The following ABCD3 variants were observed in gnomAD, a reference collection of about 807,000 sequenced individuals.
The protein encoded by ABCD3 is ATP binding cassette subfamily D member 3.
In ABCD3, 41 loss-of-function variants were observed where a neutral mutation model predicts 105.5. The observed-to-expected ratio is 0.39, with a 90% CI of 0.30 to 0.50. The LOEUF (loss-of-function observed/expected upper bound fraction) is 0.50. Among genes scored for constraint, ABCD3 ranks in the 20% least tolerant of loss-of-function variants. ABCD3 has a pLI of 0.84. For missense variants in ABCD3, 622 were observed against 806.3 expected, an observed-to-expected ratio of 0.77 and a Z score of 2.77; for synonymous variants, 258 against 269.0, an observed-to-expected ratio of 0.96 and a Z score of 0.40.
the ABCD3 span, among the ~76,000 whole-genome samples, chr1:94,404,414 T>G: frequency 2.6e-5 from 4 of 152,202 alleles, no homozygotes; most frequent in Non-Finnish European, 4.4e-5. Context: ...TTTCCTCTCT[T>G]CCATCTTTGG....
the ABCD3 span, among the ~76,000 whole-genome samples, chr1:94,391,255 A>G: frequency 2.6e-5 from 4 of 152,126 alleles, no homozygotes; most frequent in Non-Finnish European, 5.9e-5. Flanking sequence ...TCTTTTTATT[A>G]TATTAGGTTG....
At chr1:94,433,453 C>G (rs747988193) in intron 1 of ABCD3, among the ~76,000 whole-genome samples, 4 of 151,844 alleles carry the variant, frequency 2.6e-5, no homozygotes, top group African/African-American at 7.3e-5. Flanking sequence ...CACGCCCGGC[C>G]CGGTTAGGCA....
At chr1:94,483,875 A>AT (rs1649151836) in intron 10 of ABCD3, among the ~76,000 whole-genome samples, 1 of 152,166 alleles carries the variant, frequency 6.6e-6, no homozygotes, top group Non-Finnish European at 1.5e-5. Flanking sequence ...AATGGGAGAA[A>AT]TTTTTTGCAA....
chr1:94,495,523 T>A (rs190455297), intron 16 of ABCD3, among the ~76,000 whole-genome samples: 427 of 152,306 alleles, frequency 2.8e-3, no homozygotes, highest in African/African-American at 9.9e-3. Flanking sequence ...CACTACCAAA[T>A]GCCGTGAAGT....
chr1:94,477,718 A>G (rs1648832650), intron 7 of ABCD3, among the ~76,000 whole-genome samples: 2 of 67,512 alleles, frequency 3.0e-5, no homozygotes, highest in South Asian at 4.6e-4. Context: ...CAGTACATTA[A>G]TGTGTTATTT....
chr1:94,484,648 C>T (rs1425709482), intron 10 of ABCD3, among the ~76,000 whole-genome samples: 1 of 151,952 alleles, frequency 6.6e-6, no homozygotes, highest in Non-Finnish European at 1.5e-5. Flanking sequence ...GGGTGGGGGC[C>T]TGGGGGAGGG....
At chr1:94,452,448 G>C (rs1179457889) in intron 1 of ABCD3, among the ~76,000 whole-genome samples, 1 of 152,206 alleles carries the variant, frequency 6.6e-6, no homozygotes, top group Non-Finnish European at 1.5e-5. Flanking sequence ...GGTAACTTGA[G>C]CACAGAGTGT....
At chr1:94,428,624 G>A (rs190776533) in intron 1 of ABCD3, among the ~76,000 whole-genome samples, 28 of 152,198 alleles carry the variant, frequency 1.8e-4, no homozygotes, top group African/African-American at 5.8e-4. Flanking sequence ...GATAGTGAAC[G>A]GTTTTTTAAA....
intron 7 of ABCD3, among the ~76,000 whole-genome samples, chr1:94,477,227 C>CAAAAAAA (rs561060182): frequency 3.8e-4 from 17 of 44,304 alleles, no homozygotes; most frequent in South Asian, 1.8e-3. Flanking sequence ...ACTTATAAGG[C>CAAAAAAA]AAAAAAAAAA....
intron 20 of ABCD3, among the ~76,000 whole-genome samples, chr1:94,501,887 T>TTA (rs397827226): frequency 6.6e-6 from 1 of 151,730 alleles, no homozygotes; most frequent in Admixed American, 6.6e-5. Flanking sequence ...TTTTTTTTTT[T>TTA]ACCTTAAATT....
At position 94,440,151 on chromosome 1, in the gene ABCD3, T is replaced by G. The variant is rs1282647636; in HGVS notation, c.111-18456T>G. ...GTCTGTAGGGATATTTTTATTCTTG[T>G]ATTTTTTCTTATAATGTTGTAAAAG... On this transcript the variant is annotated intron_variant, in intron 1 of 22. Coordinates refer to ENST00000370214, the MANE Select transcript of ABCD3 (RefSeq NM_002858.4). Among the ~76,000 whole-genome samples the G allele has an allele frequency of 2.0e-5, 3 of 152,252 alleles. No individual in the cohort carries two copies. The East Asian group carries it at 5.8e-4, about 29-fold the overall frequency.
upstream of ABCD3, among the ~76,000 whole-genome samples, chr1:94,417,180 A>C (rs1659050079): frequency 6.6e-6 from 1 of 152,204 alleles, no homozygotes. Context: ...CATGACAAAT[A>C]GTGAATTAGT....
chr1:94,399,980 G>A, the ABCD3 span, among the ~76,000 whole-genome samples: 4 of 152,200 alleles, frequency 2.6e-5, no homozygotes, highest in African/African-American at 4.8e-5. Flanking sequence ...GAGCCCAGGA[G>A]TGGGAGGTTC....
At chr1:94,455,754 A>C (rs1329620960) in intron 1 of ABCD3, 4 of 1,014,006 alleles carry the variant, frequency 3.9e-6, no homozygotes, top group East Asian at 6.0e-5. Context: ...AAACTTGGAG[A>C]GAGAAAAGTG....
the ABCD3 span, among the ~76,000 whole-genome samples, chr1:94,391,696 C>T: frequency 2.6e-5 from 4 of 152,186 alleles, no homozygotes; most frequent in East Asian, 7.7e-4. Flanking sequence ...TTGTCAAGTG[C>T]CAGCTTCTCT....
intron 1 of ABCD3, among the ~76,000 whole-genome samples, chr1:94,428,709 C>T (rs965752503): frequency 6.6e-6 from 1 of 152,112 alleles, no homozygotes; most frequent in African/African-American, 2.4e-5. Flanking sequence ...CTTTGCCTTC[C>T]ACCAGCATTG....
chr1:94,416,960 T>G (rs1001194375), upstream of ABCD3, among the ~76,000 whole-genome samples: 12 of 152,254 alleles, frequency 7.9e-5, no homozygotes, highest in African/African-American at 2.9e-4. Context: ...TACATAGCTG[T>G]CCATACTTTG....
rs1330395385 is a variant in ABCD3 at position 94,428,086 on chromosome 1, A to AT, written c.110+9504dup. Reference sequence around the variant, plus strand: ...TAAAAGGTGTTTTGTTTTTTTTTTTATTTTTTATTTTTTTGCCACAAGATT... The same window carrying AT: ...TAAAAGGTGTTTTGTTTTTTTTTTTATTTTTTTATTTTTTTGCCACAAGATT... On this transcript the variant is annotated intron_variant, in intron 1 of 22. Coordinates refer to ENST00000370214, the MANE Select transcript of ABCD3 (RefSeq NM_002858.4). 3.6e-4 allele frequency among the ~76,000 whole-genome samples: 53 copies of AT among 145,348 alleles called. No homozygotes were observed. The East Asian group carries it at 5.5e-3, about 15-fold the overall frequency.
intron 1 of ABCD3, among the ~76,000 whole-genome samples, chr1:94,456,963 C>T (rs1464726136): frequency 1.3e-5 from 2 of 151,818 alleles, no homozygotes; most frequent in South Asian, 4.2e-4. Context: ...GAGTATTATC[C>T]CATTGTGGTT....
Sources: allele counts gnomAD v4.1 joint callset (sites outside exome capture counted in the v4.1 genomes callset), GRCh38; gene constraint gnomAD v4.1.1; transcripts MANE v1.5; gene names NCBI Gene and HGNC (gene_info 2026-07-23, HGNC 2026-07-21).